TSC2: variants seen among roughly 807,000 people sequenced by gnomAD.
TSC2 encodes the protein tuberin.
Under a neutral mutation model 202.2 loss-of-function variants are expected in TSC2, and 29 were observed. The observed-to-expected ratio is 0.14, with a 90% CI of 0.11 to 0.20. The LOEUF is 0.20. Among genes scored for constraint, TSC2 ranks in the 10% least tolerant of loss-of-function variants. The pLI, the probability that TSC2 is intolerant of heterozygous loss-of-function variation, is 1.00. For missense variants in TSC2, 2,429 were observed against 2,420.0 expected, an observed-to-expected ratio of 1.00 and a Z score of -0.08; for synonymous variants, 1,349 against 1,044.0, an observed-to-expected ratio of 1.29 and a Z score of -5.63.
intron 22 of TSC2, chr16:2,075,043 C>T (rs909126766): frequency 6.2e-6 from 1 of 160,322 alleles, no homozygotes; most frequent in African/African-American, 2.4e-5. Context: ...TGGCGAAACC[C>T]TGTCTCTACT....
chr16:2,068,228 C>T (rs1461101312), intron 16 of TSC2, among the ~76,000 whole-genome samples: 1 of 152,174 alleles, frequency 6.6e-6, no homozygotes, highest in Non-Finnish European at 1.5e-5. Context: ...TTAGTAGTGA[C>T]ATGGTTTCAC....
chr16:2,079,820 G>C lies in TSC2; in HGVS notation c.3397+151G>C. The C allele has an allele frequency of 1.3e-6, 1 of 771,678 alleles. No homozygotes were observed. Among genetic ancestry groups the C allele is most frequent in the South Asian group, 1.8e-5 (1 of 54,268 alleles). 47.8% of individuals were successfully genotyped at this position (771,678 alleles called of 1,614,324 possible). A position where few individuals can be genotyped will look rare whatever the true frequency, so the allele number is the denominator to read the frequency against. Reference sequence around the variant, plus strand: ...CTGACTCTGGGGTGAGCCTTCCACAGCTCACCCCAGAGCCGTGGAGTGGTG... The same window carrying C: ...CTGACTCTGGGGTGAGCCTTCCACACCTCACCCCAGAGCCGTGGAGTGGTG... On this transcript the variant is annotated intron_variant, in intron 29 of 41. Transcript: ENST00000219476. The surrounding 1 kb of genome is among the most constrained non-coding windows in gnomAD (Gnocchi z 4.6).
chr16:2,057,815 T>C (rs1377101561), intron 9 of TSC2, among the ~76,000 whole-genome samples: 2 of 134,644 alleles, frequency 1.5e-5, no homozygotes, highest in Admixed American at 7.5e-5. Context: ...CCCCTGCATC[T>C]CTCCCAGCCC....
At chr16:2,074,568 G>C (rs1037266553) in intron 22 of TSC2, 179 bp downstream of exon 22, 2 of 755,446 alleles carry the variant, frequency 2.6e-6, no homozygotes, top group Admixed American at 2.1e-5. Flanking sequence ...CTGGCTTTGA[G>C]GGGCGGCTCC....
At chr16:2,056,616 G>T (rs372726749) in intron 7 of TSC2, 28 bp from the exon 8 acceptor site, 2 of 1,605,308 alleles carry the variant, frequency 1.2e-6, no homozygotes, top group Non-Finnish European at 8.5e-7. Context: ...GGGGTAGGAC[G>T]GGCGTGAGCC....
intron 15 of TSC2, 102 bp from the exon 16 acceptor site, chr16:2,065,412 CAAAAA>C (rs369052665): frequency 1.5e-3 from 646 of 425,482 alleles, no homozygotes; most frequent in African/African-American, 2.7e-3. Context: ...GACTCGATCT[CAAAAA>C]AAAAAAAAAA....
rs973194701 is a variant in TSC2 at position 2,088,810 on chromosome 16, A to C, written c.*200A>C. 1.4e-6 allele frequency: 1 copy of C among 715,514 alleles called. No individual in the cohort carries two copies. The highest frequency in any genetic ancestry group is 1.9e-5 in the South Asian group (1 of 53,188). 44.3% of individuals were successfully genotyped at this position (715,514 alleles called of 1,614,324 possible). A position where few individuals can be genotyped will look rare whatever the true frequency, so the allele number is the denominator to read the frequency against. On this transcript the variant is annotated 3_prime_UTR_variant, in exon 42 of 42. Coordinates refer to ENST00000219476, the MANE Select transcript of TSC2 (RefSeq NM_000548.5). ...CCATGCCCACAGAAGTGGTACACAG[A>C]AGCAGGCACAGCCAGCTCCGAGGGC...
chr16:2,088,743 CTTGGTGCGGGGG>C lies in TSC2; in HGVS notation c.*138_*149del. 1 of 1,280,618 alleles carries C rather than the reference CTTGGTGCGGGGG, an allele frequency of 7.8e-7. No individual in the cohort carries two copies. The highest frequency in any genetic ancestry group is 2.2e-5 in the Admixed American group (1 of 45,252). 79.3% of individuals were successfully genotyped at this position (1,280,618 alleles called of 1,614,324 possible). A position where few individuals can be genotyped will look rare whatever the true frequency, so the allele number is the denominator to read the frequency against. On this transcript the variant is annotated 3_prime_UTR_variant, in exon 42 of 42. Coordinates refer to ENST00000219476, the MANE Select transcript of TSC2 (RefSeq NM_000548.5). ...ACAGCTCTTTTATTGACTTTGTCTG[CTTGGTGCGGGGG>C]TTGGGGGGGTGTCGAGGCTCTAGAA...
intron 25 of TSC2, among the ~76,000 whole-genome samples, chr16:2,076,941 C>T (rs555028556): frequency 6.6e-5 from 10 of 152,346 alleles, no homozygotes; most frequent in East Asian, 1.9e-4. Context: ...TCATCACCGC[C>T]GCCTTGCCGG....
At position 2,087,899 on chromosome 16, in the gene TSC2, C is replaced by G. The variant is rs201707249; in HGVS notation, c.5026C>G (p.Leu1676Val). 1 of 1,611,776 alleles carries G rather than the reference C, an allele frequency of 6.2e-7. No individual in the cohort carries two copies. The highest frequency in any genetic ancestry group is 8.5e-7 in the Non-Finnish European group (1 of 1,179,790). The change falls in exon 39 of 42, where the codon CTG (leucine) becomes GTG (valine). Residue 1676 changes from leucine (L) to valine (V), a missense_variant. Transcript: ENST00000219476. ...FNFVHVIVTP[L>V]DYECNLVSLQ... is the part of the protein sequence containing the mutation. ...CTTTGTCCACGTGATCGTCACCCCG[C>G]TGGACTACGAGTGCAACCTGGTGTC...
At chr16:2,069,255 C>G (rs375887241) in intron 16 of TSC2, among the ~76,000 whole-genome samples, 2 of 152,088 alleles carry the variant, frequency 1.3e-5, no homozygotes, top group East Asian at 1.9e-4. Flanking sequence ...TCTTTTTTGT[C>G]CGAGGAAGGG....
At position 2,072,995 on chromosome 16, in the gene TSC2, G is replaced by A. The variant is rs745425504; in HGVS notation, c.2355+12G>A. The A allele has an allele frequency of 2.5e-6, 4 of 1,613,118 alleles. No homozygotes were observed. In the African/African-American group the frequency reaches 5.3e-5, roughly 22 times the overall value. ...ACAAAACCAAACAGGTAGGAGGTCA[G>A]AGCAGGACAGGCGAGCTTGATGGGG... is the stretch of plus-strand genomic sequence containing the variant. On this transcript the variant is annotated intron_variant, in intron 21 of 41. Coordinates refer to ENST00000219476, the MANE Select transcript of TSC2 (RefSeq NM_000548.5).
At position 2,079,530 on chromosome 16, in the gene TSC2, A is replaced by C. The variant is rs542416759; in HGVS notation, c.3285-27A>C. The C allele has an allele frequency of 1.3e-4, 201 of 1,605,644 alleles. 4 individuals carry two copies. The South Asian group carries it at 2.2e-3, about 17-fold the overall frequency. ...TCGTACCAGCCTGGGGACTAAGTCC[A>C]CCCTGTGCGTGGGATTCTCTTCTCA... On this transcript the variant is annotated intron_variant, in intron 28 of 41. Coordinates refer to ENST00000219476, the MANE Select transcript of TSC2 (RefSeq NM_000548.5). This position sits in a 1 kb window ranked among gnomAD's most constrained non-coding sequence, Gnocchi z 4.6.
intron 9 of TSC2, 66 bp downstream of exon 9, chr16:2,057,244 C>T (rs1462665326): frequency 1.3e-6 from 2 of 1,533,266 alleles, no homozygotes; most frequent in East Asian, 2.5e-5. Context: ...GCTCCAGTGT[C>T]CCTTGCCAAG....
At chr16:2,062,645 C>T in intron 13 of TSC2, 45 bp downstream of exon 13, 2 of 1,547,914 alleles carry the variant, frequency 1.3e-6, no homozygotes, top group Non-Finnish European at 1.8e-6. Context: ...GAGCCTGGCC[C>T]TGTCTCTGTC....
At position 2,080,199 on chromosome 16, in the gene TSC2, G is replaced by C. The variant is rs564724053; in HGVS notation, c.3432G>C (p.Val1144=). The C allele has an allele frequency of 1.2e-6, 2 of 1,612,948 alleles. No individual in the cohort carries two copies. The highest frequency in any genetic ancestry group is 2.7e-5 in the African/African-American group (2 of 75,066). The part of the protein sequence containing the change: ...GHGLRVGALD[V]PASQFLGSAT... ...GTCTTCGAGTTGGCGCCCTGGACGTGCCGGCCTCCCAGTTCCTGGGCAGTG... is the reference window on the plus strand; with the variant it reads ...GTCTTCGAGTTGGCGCCCTGGACGTCCCGGCCTCCCAGTTCCTGGGCAGTG... Residue 1144 remains valine (V), a synonymous_variant, in exon 30 of 42, where the codon GTG becomes GTC. Coordinates refer to ENST00000219476, the MANE Select transcript of TSC2 (RefSeq NM_000548.5).
intron 10 of TSC2, among the ~76,000 whole-genome samples, chr16:2,060,434 G>A (rs542280424): frequency 1.3e-4 from 20 of 152,368 alleles, no homozygotes; most frequent in Admixed American, 2.6e-4. Context: ...TGGTCTGTCC[G>A]AGTCAGGGAC....
At chr16:2,067,883 G>C (rs2087621654) in intron 16 of TSC2, among the ~76,000 whole-genome samples, 1 of 152,214 alleles carries the variant, frequency 6.6e-6, no homozygotes, top group Admixed American at 6.5e-5. Context: ...GGGGGCCTAT[G>C]GCCTGGGAGA....
intron 26 of TSC2, chr16:2,078,694 CTGTG>C (rs1218135769): frequency 5.0e-6 from 2 of 398,310 alleles, no homozygotes; most frequent in South Asian, 2.2e-5. Flanking sequence ...CTGGGCCTGT[CTGTG>C]TGGCCTCCGC....
Sources: allele counts gnomAD v4.1 joint callset (sites outside exome capture counted in the v4.1 genomes callset), GRCh38; gene constraint gnomAD v4.1.1; non-coding constraint Gnocchi (gnomAD v3.1); transcripts MANE v1.5; gene names NCBI Gene and HGNC (gene_info 2026-07-23, HGNC 2026-07-21).